STX8: variants seen among roughly 807,000 people sequenced by gnomAD.
STX8 encodes the protein syntaxin-8.
In STX8, 23 loss-of-function variants were observed where a neutral mutation model predicts 37.5. The ratio of observed to expected loss-of-function variants is 0.61; its 90% confidence interval spans 0.44 to 0.87. The LOEUF (loss-of-function observed/expected upper bound fraction) is 0.87. Among genes scored for constraint, STX8 ranks in the 40% least tolerant of loss-of-function variants. The pLI is 0.00. For synonymous variants in STX8, 115 were observed against 99.1 expected (o/e 1.16, Z -0.95); for missense variants, 313 against 284.7 (o/e 1.10, Z -0.71).
At chr17:9,273,797 C>T (rs980949737) in intron 7 of STX8, among the ~76,000 whole-genome samples, 3 of 151,994 alleles carry the variant, frequency 2.0e-5, no homozygotes, top group Non-Finnish European at 4.4e-5. Context: ...TCCCGTCTCA[C>T]GTTGGAAATC....
intron 6 of STX8, among the ~76,000 whole-genome samples, chr17:9,390,282 G>A (rs575835609): frequency 5.1e-4 from 78 of 152,250 alleles, no homozygotes; most frequent in African/African-American, 1.8e-3. Flanking sequence ...AGCACTTTGG[G>A]AGGCTGAGGT....
At chr17:9,432,856 A>G (rs968874825) in intron 6 of STX8, among the ~76,000 whole-genome samples, 3 of 152,326 alleles carry the variant, frequency 2.0e-5, no homozygotes, top group Admixed American at 2.0e-4. Flanking sequence ...GTTATTAGCT[A>G]AAGGTTTACG....
At chr17:9,262,364 G>A (rs1273032956) in intron 7 of STX8, among the ~76,000 whole-genome samples, 1 of 152,068 alleles carries the variant, frequency 6.6e-6, no homozygotes, top group Non-Finnish European at 1.5e-5. Flanking sequence ...TTTGAACTGA[G>A]CACAATTGGG....
intron 6 of STX8, among the ~76,000 whole-genome samples, chr17:9,384,344 A>G (rs925562737): frequency 1.3e-5 from 2 of 152,230 alleles, no homozygotes; most frequent in Non-Finnish European, 2.9e-5. Context: ...AATAATCTTA[A>G]CAAAGAAAAA....
chr17:9,529,803 T>C (rs1905741176), intron 4 of STX8, among the ~76,000 whole-genome samples: 3 of 152,190 alleles, frequency 2.0e-5, no homozygotes, highest in Non-Finnish European at 4.4e-5. Context: ...TAGATGTTCA[T>C]TGGATTATTT....
Position 9,429,365 on chromosome 17 carries a change from A to T in STX8, c.542-50712T>A, listed in dbSNP as rs574077749. On this transcript the variant is annotated intron_variant, in intron 6 of 7. Transcript: ENST00000306357. ...TATATTTATATATAATATATAATAA[A>T]TATTTATATATAACATATATTTATA... 2.1e-5 allele frequency among the ~76,000 whole-genome samples: 3 copies of T among 145,124 alleles called. No individual in the cohort carries two copies. The South Asian group carries it at 6.4e-4, about 31-fold the overall frequency.
chr17:9,315,780 G>A (rs953045933), intron 7 of STX8, among the ~76,000 whole-genome samples: 2 of 152,150 alleles, frequency 1.3e-5, no homozygotes, highest in African/African-American at 4.8e-5. Flanking sequence ...AGGAGGCTGA[G>A]GTAGGCAGAC....
chr17:9,374,782 G>A (rs1209257923), intron 7 of STX8, among the ~76,000 whole-genome samples: 1 of 152,014 alleles, frequency 6.6e-6, no homozygotes, highest in Non-Finnish European at 1.5e-5. Flanking sequence ...AGAATAAAGA[G>A]GTTGGGCGCG....
chr17:9,281,768 T>C (rs1175090532), intron 7 of STX8, among the ~76,000 whole-genome samples: 1 of 152,200 alleles, frequency 6.6e-6, no homozygotes, highest in Non-Finnish European at 1.5e-5. Flanking sequence ...ACCCCATCTC[T>C]ATTAAAAATA....
chr17:9,437,654 C>A (rs1261511153), intron 6 of STX8: 2 of 152,178 alleles, frequency 1.3e-5, no homozygotes, highest in Admixed American at 1.3e-4. Flanking sequence ...AGCAGTTGTG[C>A]CATTTAAGAG....
chr17:9,484,874 T>A (rs1257255694), intron 6 of STX8, among the ~76,000 whole-genome samples: 1 of 152,084 alleles, frequency 6.6e-6, no homozygotes, highest in Non-Finnish European at 1.5e-5. Flanking sequence ...CTGGTGCAAC[T>A]GATGAACTTG....
intron 6 of STX8, among the ~76,000 whole-genome samples, chr17:9,403,436 C>T (rs373605431): frequency 6.6e-6 from 1 of 152,036 alleles, no homozygotes; most frequent in Non-Finnish European, 1.5e-5. Context: ...CATGTGTGTG[C>T]GATGGCATAA....
intron 7 of STX8, among the ~76,000 whole-genome samples, chr17:9,314,599 G>A (rs1268208986): frequency 3.3e-5 from 5 of 149,344 alleles, no homozygotes; most frequent in Non-Finnish European, 5.9e-5. Context: ...TAGTAGAGAC[G>A]GGGTTTCACT....
intron 4 of STX8, among the ~76,000 whole-genome samples, chr17:9,508,828 C>T (rs533077830): frequency 2.6e-5 from 4 of 152,302 alleles, no homozygotes; most frequent in African/African-American, 9.6e-5. Flanking sequence ...CTGAAAACTT[C>T]CCAAGTCTTG....
At chr17:9,254,321 G>A (rs541358331) in intron 7 of STX8, among the ~76,000 whole-genome samples, 1 of 152,200 alleles carries the variant, frequency 6.6e-6, no homozygotes, top group South Asian at 2.1e-4. Flanking sequence ...AAACTCAGTG[G>A]CATTTTCCCA....
chr17:9,326,788 A>G (rs891811113), intron 7 of STX8, among the ~76,000 whole-genome samples: 8 of 152,234 alleles, frequency 5.3e-5, no homozygotes, highest in Non-Finnish European at 8.8e-5. Context: ...CATTCCTATA[A>G]CAAGGATGGG....
intron 6 of STX8, among the ~76,000 whole-genome samples, chr17:9,485,828 C>T (rs1906573514): frequency 6.6e-6 from 1 of 152,092 alleles, no homozygotes; most frequent in South Asian, 2.1e-4. Flanking sequence ...TCAAATGATC[C>T]ACCTACCTTG....
At chr17:9,276,783 C>T (rs1907693217) in intron 7 of STX8, among the ~76,000 whole-genome samples, 1 of 148,508 alleles carries the variant, frequency 6.7e-6, no homozygotes, top group African/African-American at 2.5e-5. Context: ...TTACAGGTGC[C>T]CACCACCACG....
In STX8 at chr17:9,399,410, C is replaced by A. The variant is rs529055849; in HGVS notation, c.542-20757G>T. 5.9e-5 allele frequency among the ~76,000 whole-genome samples: 9 copies of A among 152,280 alleles called. No homozygotes were observed. In the South Asian group the frequency reaches 1.9e-3, roughly 32 times the overall value. ...AGGTTAAGTGGTTTGCGCAAAGTGA[C>A]AGAGCTGAGGAGTGGCAAAGCTGGG... On this transcript the variant is annotated intron_variant, in intron 6 of 7. Transcript: ENST00000306357.
Sources: gnomAD v4.1 joint callset for allele counts (sites outside exome capture counted in the v4.1 genomes callset) on GRCh38, gnomAD v4.1.1 for gene constraint, MANE v1.5 for transcripts, NCBI Gene and HGNC (gene_info 2026-07-23, HGNC 2026-07-21) for gene names.